The following MYH16 variants were observed in gnomAD, a reference collection of about 807,000 sequenced individuals.
The protein encoded by MYH16 is putative uncharacterized protein MYH16.
At chr7:99,297,160 GATA>G (rs1792512477) in intron 34 of MYH16, among the ~76,000 whole-genome samples, 1 of 152,188 alleles carries the variant, frequency 6.6e-6, no homozygotes, top group Non-Finnish European at 1.5e-5. Flanking sequence ...AGCCGGGTGT[GATA>G]GCTCATGCCT....
chr7:99,295,940 G>A (rs1221507133), intron 33 of MYH16, among the ~76,000 whole-genome samples: 1 of 150,576 alleles, frequency 6.6e-6, no homozygotes, highest in Non-Finnish European at 1.5e-5. Context: ...TCAGGAGTTT[G>A]AGAGCAGCTT....
chr7:99,293,913 C>A (rs1792430745), intron 32 of MYH16, 105 bp from the exon 14 acceptor site: 2 of 342,156 alleles, frequency 5.8e-6, no homozygotes, highest in African/African-American at 2.2e-5. Flanking sequence ...AATGTTGACA[C>A]CAGAGCTTAG....
chr7:99,270,383 G>A lies in MYH16; in HGVS notation n.2267-574G>A, dbSNP rs543767719. Among the ~76,000 whole-genome samples, 10 of 147,734 alleles carry A rather than the reference G, an allele frequency of 6.8e-5. No individual in the cohort carries two copies. The South Asian group carries it at 1.3e-3, about 19-fold the overall frequency. The stretch of plus-strand genomic sequence containing the variant: ...GTTGCCCAGGCTGGAGTGCAGTGGC[G>A]TGATCTCGGCTCACTACAAGCTCCG... On this transcript the variant is annotated intron_variant and non_coding_transcript_variant, in intron 18 of 41. Coordinates refer to ENST00000439784, the Ensembl canonical transcript of MYH16.
chr7:99,243,785 CCATT>C (rs979923246), intron 2 of MYH16, among the ~76,000 whole-genome samples: 10 of 150,326 alleles, frequency 6.7e-5, no homozygotes, highest in African/African-American at 2.0e-4. Context: ...ATCCATCTAT[CCATT>C]CATTCATCCA....
intron 29 of MYH16, 129 bp from the exon 11 acceptor site, chr7:99,289,157 AG>A (rs1380040235): frequency 5.3e-6 from 1 of 189,258 alleles, no homozygotes; most frequent in East Asian, 1.8e-4. Flanking sequence ...TTTCTGAGAC[AG>A]GGGCATACCT....
chr7:99,263,848 A>G (rs1209522634), intron 14 of MYH16, among the ~76,000 whole-genome samples: 1 of 152,208 alleles, frequency 6.6e-6, no homozygotes, highest in Non-Finnish European at 1.5e-5. Context: ...TGTGGCTCAT[A>G]GAGGAATGCT....
intron 36 of MYH16, among the ~76,000 whole-genome samples, chr7:99,298,857 G>A (rs1008177296): frequency 2.0e-5 from 3 of 151,554 alleles, no homozygotes; most frequent in Admixed American, 6.6e-5. Context: ...ATGCTGGTGC[G>A]CTGCACCCAC....
intron 33 of MYH16, among the ~76,000 whole-genome samples, chr7:99,294,567 A>ATT (rs1161923361): frequency 3.1e-3 from 439 of 143,660 alleles, no homozygotes; most frequent in African/African-American, 0.011. Context: ...ATATATATAT[A>ATT]TTTTTTTTCT....
intron 9 of MYH16, among the ~76,000 whole-genome samples, chr7:99,256,074 C>G (rs1175570217): frequency 2.0e-5 from 3 of 152,028 alleles, no homozygotes; most frequent in Non-Finnish European, 2.9e-5. Context: ...TCTCTCTCCT[C>G]TTGGACAACA....
chr7:99,282,510 T>C (rs373129398), intron 23 of MYH16, among the ~76,000 whole-genome samples: 2 of 152,070 alleles, frequency 1.3e-5, no homozygotes, highest in Middle Eastern at 3.4e-3. Flanking sequence ...TCTAGCTCTG[T>C]CACCAAGGCT....
At chr7:99,308,658 G>A (rs993855110), downstream of MYH16, among the ~76,000 whole-genome samples, 5 of 152,204 alleles carry the variant, frequency 3.3e-5, no homozygotes, top group Non-Finnish European at 5.9e-5. Flanking sequence ...CAGCAGCTCT[G>A]GGGGTGGGCC....
At chr7:99,285,734 G>A (rs1792267926) in intron 27 of MYH16, among the ~76,000 whole-genome samples, 1 of 152,252 alleles carries the variant, frequency 6.6e-6, no homozygotes, top group Non-Finnish European at 1.5e-5. Context: ...TCAACAGGCA[G>A]AAGCAAGGAG....
At chr7:99,281,388 T>A (rs1792196744) in intron 23 of MYH16, among the ~76,000 whole-genome samples, 1 of 150,280 alleles carries the variant, frequency 6.7e-6, no homozygotes, top group Non-Finnish European at 1.5e-5. Context: ...AAAACTCCCA[T>A]CTCTACAAAA....
chr7:99,280,107 A>T (rs1170649532), intron 22 of MYH16, among the ~76,000 whole-genome samples: 1 of 152,206 alleles, frequency 6.6e-6, no homozygotes, highest in African/African-American at 2.4e-5. Flanking sequence ...GCCTCACCTC[A>T]GGTGATCTGC....
At chr7:99,279,358 CAAAAAAAAAAAAA>C (rs35683727) in intron 21 of MYH16, among the ~76,000 whole-genome samples, 139 bp from the exon 4 acceptor site, 36 of 45,896 alleles carry the variant, frequency 7.8e-4, no homozygotes, top group Non-Finnish European at 1.3e-3. Context: ...AACCCTGACT[CAAAAAAAAAAAAA>C]AAAAAAAAAA....
chr7:99,276,776 T>TGA (rs150051625), intron 20 of MYH16, among the ~76,000 whole-genome samples: 9 of 147,260 alleles, frequency 6.1e-5, no homozygotes, highest in East Asian at 2.0e-4. Flanking sequence ...ATGAAAGGAG[T>TGA]GAGAGAGAGA....
chr7:99,239,768 G>A (rs901551607), intron 1 of MYH16, among the ~76,000 whole-genome samples: 2 of 152,182 alleles, frequency 1.3e-5, no homozygotes, highest in African/African-American at 4.8e-5. Context: ...CATGGAAATG[G>A]GAATATGCTG....
chr7:99,254,704 T>TAC (rs951596227), intron 8 of MYH16, among the ~76,000 whole-genome samples: 5 of 152,116 alleles, frequency 3.3e-5, no homozygotes, highest in East Asian at 3.8e-4. Context: ...GACTCAGTCT[T>TAC]ACACACACAC....
intron 10 of MYH16, chr7:99,257,993 A>G (rs1280224404): frequency 1.3e-5 from 2 of 152,248 alleles, no homozygotes; most frequent in East Asian, 3.9e-4. Context: ...TTGTTTTCTC[A>G]TTGGCAAAAT....
Sources: gnomAD v4.1 joint callset for allele counts (sites outside exome capture counted in the v4.1 genomes callset) on GRCh38, gnomAD v4.1.1 for gene constraint, MANE v1.5 for transcripts, NCBI Gene and HGNC (gene_info 2026-07-23, HGNC 2026-07-21) for gene names.